The following WWP2 variants were observed in gnomAD, a reference collection of about 807,000 sequenced individuals.
WWP2 encodes the protein WW domain containing E3 ubiquitin protein ligase 2.
Under a neutral mutation model 121.0 loss-of-function variants are expected in WWP2, and 57 were observed. The observed-to-expected ratio is 0.47, with a 90% CI of 0.38 to 0.59. WWP2 has a LOEUF of 0.59. Among genes scored for constraint, WWP2 ranks in the 20% least tolerant of loss-of-function variants. The probability of loss-of-function intolerance (pLI) is 0.00; values close to 1 mark genes in which losing one functional copy is unlikely to be tolerated. For missense variants in WWP2, 962 were observed against 1,158.9 expected (o/e 0.83, Z 2.47); for synonymous variants, 449 against 441.3 (o/e 1.02, Z -0.22).
At chr16:69,886,702 T>C (rs909119930) in intron 7 of WWP2, among the ~76,000 whole-genome samples, 1 of 152,132 alleles carries the variant, frequency 6.6e-6, no homozygotes, top group Non-Finnish European at 1.5e-5. Flanking sequence ...AGAGGTTGCA[T>C]TGAGCCAAGA....
At chr16:69,902,669 G>A (rs1303566527) in intron 8 of WWP2, among the ~76,000 whole-genome samples, 3 of 152,168 alleles carry the variant, frequency 2.0e-5, no homozygotes, top group Non-Finnish European at 4.4e-5. Context: ...CAGTGTGAAG[G>A]AGTTGCTTAT....
chr16:69,768,615 A>G (rs1286692944), intron 1 of WWP2, among the ~76,000 whole-genome samples: 1 of 152,166 alleles, frequency 6.6e-6, no homozygotes, highest in Non-Finnish European at 1.5e-5. Flanking sequence ...CTTCTCAAAA[A>G]TAATTAAATA....
intron 4 of WWP2, among the ~76,000 whole-genome samples, chr16:69,832,243 G>A (rs1262556040): frequency 6.6e-6 from 1 of 152,076 alleles, no homozygotes; most frequent in Admixed American, 6.6e-5. Context: ...AAAAACAGTC[G>A]ATGAATCCCC....
At chr16:69,918,698 T>C (rs1264452222) in intron 10 of WWP2, among the ~76,000 whole-genome samples, 1 of 152,224 alleles carries the variant, frequency 6.6e-6, no homozygotes, top group East Asian at 1.9e-4. Flanking sequence ...TTCTCTCCAT[T>C]GGCCTTCTCT....
At chr16:69,885,141 A>ACACAC (rs1555499891) in intron 7 of WWP2, among the ~76,000 whole-genome samples, 1 of 148,556 alleles carries the variant, frequency 6.7e-6, no homozygotes, top group Non-Finnish European at 1.5e-5. Context: ...ACACACACAC[A>ACACAC]TTCTTCTTCT....
At chr16:69,884,793 A>G (rs1349626656) in intron 7 of WWP2, among the ~76,000 whole-genome samples, 1 of 152,200 alleles carries the variant, frequency 6.6e-6, no homozygotes, top group Non-Finnish European at 1.5e-5. Flanking sequence ...AGAAGCAAGC[A>G]TTTCTCCTGC....
rs142188648 is a variant in WWP2 at position 69,783,713 on chromosome 16, C to T, written c.-15-3283C>T. Among the ~76,000 whole-genome samples the T allele has an allele frequency of 4.8e-4, 73 of 151,954 alleles. 1 individual carries two copies. The highest frequency in any genetic ancestry group is 3.7e-3 in the South Asian group (18 of 4,806). ...GTAGTCCCAGCACTTTGGGAGGCTG[C>T]GGCAGAAGAATAGCTTGAAGCCAGG... On this transcript the variant is annotated intron_variant, in intron 1 of 23. Transcript: ENST00000359154.
At chr16:69,856,929 G>C (rs1231041470) in intron 6 of WWP2, among the ~76,000 whole-genome samples, 1 of 151,816 alleles carries the variant, frequency 6.6e-6, no homozygotes, top group African/African-American at 2.4e-5. Context: ...TTATATTTTA[G>C]GTAGTGTTTT....
intron 17 of WWP2, among the ~76,000 whole-genome samples, chr16:69,934,673 A>G (rs980669204): frequency 6.6e-6 from 1 of 151,268 alleles, no homozygotes; most frequent in Non-Finnish European, 1.5e-5. Context: ...TGGAATCAAC[A>G]CTAGTGTAGA....
chr16:69,785,229 C>CAA lies in WWP2; in HGVS notation c.-15-1754_-15-1753dup, dbSNP rs1386992308. ...CCAGCTTAGGTGTGTGAGACTGTCT[C>CAA]AAAAAAAAAAAAAAGACAAAAGACA... is the stretch of plus-strand genomic sequence containing the variant. On this transcript the variant is annotated intron_variant, in intron 1 of 23. Coordinates refer to ENST00000359154, the MANE Select transcript of WWP2 (RefSeq NM_001270454.2). 1.1e-4 allele frequency among the ~76,000 whole-genome samples: 12 copies of CAA among 112,490 alleles called. 1 individual carries two copies. The highest frequency in any genetic ancestry group is 2.3e-4 in the African/African-American group (7 of 29,912). The allele number at this position is 112,490 out of a possible 152,430, so 73.8% of individuals were successfully genotyped here. A position where few individuals can be genotyped will look rare whatever the true frequency, so the allele number is the denominator to read the frequency against.
chr16:69,820,982 C>T (rs1279185917), intron 4 of WWP2, among the ~76,000 whole-genome samples: 1 of 152,254 alleles, frequency 6.6e-6, no homozygotes, highest in Non-Finnish European at 1.5e-5. Context: ...GTGGTGCGTG[C>T]TGCCCACTCC....
At position 69,937,199 on chromosome 16, in the gene WWP2, G is replaced by C; in HGVS notation, c.2199G>C (p.Pro733=). 1.2e-6 allele frequency: 2 copies of C among 1,613,892 alleles called. No homozygotes were observed. The highest frequency in any genetic ancestry group is 2.2e-5 in the South Asian group (2 of 91,022). ...AFLDGFNEVA[P]LEWLRYFDEK... is the part of the protein sequence containing the mutation. Reference sequence around the variant, plus strand: ...TGGATGGCTTCAACGAGGTGGCCCCGCTGGAGTGGCTGCGCTACTTTGACG... The same window carrying C: ...TGGATGGCTTCAACGAGGTGGCCCCCCTGGAGTGGCTGCGCTACTTTGACG... The change falls in exon 20 of 24, where the codon CCG becomes CCC. Residue 733 remains proline, a synonymous_variant. Coordinates refer to ENST00000359154, the MANE Select transcript of WWP2 (RefSeq NM_001270454.2). The surrounding 1 kb of genome is among the most constrained non-coding windows in gnomAD (Gnocchi z 6.6).
Position 69,925,634 on chromosome 16 carries a change from G to T in WWP2, c.1234+150G>T. The T allele has an allele frequency of 9.1e-7, 1 of 1,103,312 alleles. No individual in the cohort carries two copies. The allele number at this position is 1,103,312 out of a possible 1,614,324, so 68.3% of individuals were successfully genotyped here. On this transcript the variant is annotated intron_variant, in intron 11 of 23. Transcript: ENST00000359154. The surrounding 1 kb of genome is among the most constrained non-coding windows in gnomAD (Gnocchi z 4.0). Reference sequence around the variant, plus strand: ...CACTCTCTGGGCATGCCCCACCAGAGCAATTACAGGTGATGGAGCTGGGCA... The same window carrying T: ...CACTCTCTGGGCATGCCCCACCAGATCAATTACAGGTGATGGAGCTGGGCA...
intron 4 of WWP2, among the ~76,000 whole-genome samples, chr16:69,820,704 T>G (rs1259188026): frequency 9.5e-6 from 1 of 104,914 alleles, no homozygotes; most frequent in African/African-American, 2.7e-5. Flanking sequence ...ACTGTTTATT[T>G]TGTTTATTTT....
At chr16:69,845,270 C>A (rs899310732) in intron 6 of WWP2, among the ~76,000 whole-genome samples, 1 of 152,090 alleles carries the variant, frequency 6.6e-6, no homozygotes, top group African/African-American at 2.4e-5. Context: ...TTCTTTGTAT[C>A]TGGAGACTCG....
chr16:69,783,728 T>G (rs1488551646), intron 1 of WWP2, among the ~76,000 whole-genome samples: 2 of 151,932 alleles, frequency 1.3e-5, no homozygotes, highest in African/African-American at 4.8e-5. Flanking sequence ...GAAGAATAGC[T>G]TGAAGCCAGG....
At chr16:69,879,189 T>A (rs1260274604) in intron 7 of WWP2, among the ~76,000 whole-genome samples, 1 of 152,242 alleles carries the variant, frequency 6.6e-6, no homozygotes, top group Non-Finnish European at 1.5e-5. Context: ...ATATTCTAGG[T>A]ACAATTTTTA....
At chr16:69,782,273 A>G (rs2055679622) in intron 1 of WWP2, among the ~76,000 whole-genome samples, 1 of 152,084 alleles carries the variant, frequency 6.6e-6, no homozygotes. Flanking sequence ...ACAGAGCGAG[A>G]CTCCATCTCA....
rs571261032 is a variant in WWP2 at position 69,790,109 on chromosome 16, T to G, written c.70+3029T>G. On this transcript the variant is annotated intron_variant, in intron 2 of 23. Transcript: ENST00000359154. ...AATACACAAAAAAATTAGCCAGGCG[T>G]GGTGGCAGGCGCATGTAATCCCAGC... Among the ~76,000 whole-genome samples the G allele has an allele frequency of 3.9e-5, 6 of 152,040 alleles. No individual in the cohort carries two copies. The South Asian group carries it at 1.2e-3, about 32-fold the overall frequency.
Sources: gnomAD v4.1 joint callset for allele counts (sites outside exome capture counted in the v4.1 genomes callset) on GRCh38, gnomAD v4.1.1 for gene constraint, Gnocchi (gnomAD v3.1) non-coding constraint, MANE v1.5 for transcripts, NCBI Gene and HGNC (gene_info 2026-07-23, HGNC 2026-07-21) for gene names.